Variants in FBXL7 observed in about 807,000 individuals in gnomAD.
FBXL7 encodes F-box/LRR-repeat protein 7.
FBXL7 carries 12 observed loss-of-function variants against 38.3 expected under a neutral mutation model. The ratio of observed to expected loss-of-function variants is 0.31; its 90% CI spans 0.20 to 0.51. The LOEUF is 0.51. FBXL7 is among the 20% of genes least tolerant of loss of function. The pLI is 0.98. For missense variants in FBXL7, 567 were observed against 676.4 expected (o/e 0.84, Z 1.79); for synonymous variants, 297 against 300.9 (o/e 0.99, Z 0.13).
chr5:15,516,285 G>A (rs78750370), intron 1 of FBXL7, among the ~76,000 whole-genome samples: 1,772 of 151,980 alleles, frequency 0.012, 40 homozygotes, highest in African/African-American at 0.041. Flanking sequence ...GTGATTACCC[G>A]TCATGGTATA....
At chr5:15,620,637 A>G (rs1358538867) in intron 2 of FBXL7, among the ~76,000 whole-genome samples, 5 of 152,066 alleles carry the variant, frequency 3.3e-5, no homozygotes, top group East Asian at 1.9e-4. Flanking sequence ...TGGCTGGTGT[A>G]TAGAGCAGGG....
At chr5:15,752,217 C>T (rs1736173179) in intron 2 of FBXL7, among the ~76,000 whole-genome samples, 1 of 152,086 alleles carries the variant, frequency 6.6e-6, no homozygotes, top group Non-Finnish European at 1.5e-5. Context: ...TGACATATAC[C>T]TACGTAACAA....
intron 1 of FBXL7, among the ~76,000 whole-genome samples, chr5:15,517,387 G>A (rs1736972396): frequency 6.6e-6 from 1 of 152,206 alleles, no homozygotes; most frequent in African/African-American, 2.4e-5. Flanking sequence ...CAGCCTGGCC[G>A]TGGTGAGCTT....
At chr5:15,796,133 C>T (rs1737410309) in intron 2 of FBXL7, among the ~76,000 whole-genome samples, 1 of 152,270 alleles carries the variant, frequency 6.6e-6, no homozygotes, top group South Asian at 2.1e-4. Flanking sequence ...GCCATAGAAA[C>T]CAACAATGCC....
intron 1 of FBXL7, among the ~76,000 whole-genome samples, chr5:15,531,918 G>C (rs1737443529): frequency 6.6e-6 from 1 of 152,156 alleles, no homozygotes; most frequent in Non-Finnish European, 1.5e-5. Flanking sequence ...ACCCTTTGCT[G>C]GTTCAGGATT....
At chr5:15,602,944 T>C (rs13171091) in intron 1 of FBXL7, among the ~76,000 whole-genome samples, 1 of 152,134 alleles carries the variant, frequency 6.6e-6, no homozygotes, top group South Asian at 2.1e-4. Flanking sequence ...GGGGATCCTC[T>C]GGCCTCAACC....
rs187048382 is a variant in FBXL7, at chr5:15,773,484, A to T, written c.128-154406A>T. On this transcript the variant is annotated intron_variant, in intron 2 of 3. Transcript: ENST00000504595. ...CATAGCAAAACCCCATCTCTACTAAATTTTTTTTTTTAAGTATCTAGTCAT... is the reference window on the plus strand; with the variant it reads ...CATAGCAAAACCCCATCTCTACTAATTTTTTTTTTTTAAGTATCTAGTCAT... Among the ~76,000 whole-genome samples, 258 of 148,546 alleles carry T rather than the reference A, an allele frequency of 1.7e-3. 1 individual carries two copies. Among genetic ancestry groups the T allele is most frequent in the African/African-American group, 5.9e-3 (240 of 40,560 alleles).
At chr5:15,927,433 C>T (rs370281370) in intron 2 of FBXL7, among the ~76,000 whole-genome samples, 3 of 152,096 alleles carry the variant, frequency 2.0e-5, no homozygotes, top group East Asian at 3.9e-4. Context: ...GGGAGGACAT[C>T]TGTGGAATGA....
At chr5:15,527,292 TA>T (rs1737277699) in intron 1 of FBXL7, among the ~76,000 whole-genome samples, 1 of 152,210 alleles carries the variant, frequency 6.6e-6, no homozygotes, top group Non-Finnish European at 1.5e-5. Flanking sequence ...TCGAGTATCA[TA>T]ATCCCTAAAT....
At chr5:15,844,916 A>G (rs147013224) in intron 2 of FBXL7, among the ~76,000 whole-genome samples, 27 of 152,332 alleles carry the variant, frequency 1.8e-4, no homozygotes, top group African/African-American at 6.5e-4. Context: ...AGTCATGAAT[A>G]TAAGAAAGCT....
At chr5:15,709,970 T>G (rs1743812605) in intron 2 of FBXL7, among the ~76,000 whole-genome samples, 1 of 152,160 alleles carries the variant, frequency 6.6e-6, no homozygotes, top group Non-Finnish European at 1.5e-5. Flanking sequence ...CCTCCACCTA[T>G]TAAAACTATC....
At chr5:15,688,764 C>T (rs534080077) in intron 2 of FBXL7, among the ~76,000 whole-genome samples, 2 of 152,222 alleles carry the variant, frequency 1.3e-5, no homozygotes, top group African/African-American at 4.8e-5. Flanking sequence ...CCAGAACATG[C>T]CTGGTTTCCT....
chr5:15,649,228 C>T (rs374958267), intron 2 of FBXL7, among the ~76,000 whole-genome samples: 5 of 152,262 alleles, frequency 3.3e-5, no homozygotes, highest in South Asian at 4.2e-4. Flanking sequence ...AACTCCTGAC[C>T]TCAGGTGATC....
At chr5:15,516,465 A>G (rs944783352) in intron 1 of FBXL7, among the ~76,000 whole-genome samples, 2 of 152,114 alleles carry the variant, frequency 1.3e-5, no homozygotes, top group African/African-American at 2.4e-5. Context: ...GTTTATTTGT[A>G]TGGGATTTTT....
chr5:15,681,474 G>T (rs1238307981), intron 2 of FBXL7, among the ~76,000 whole-genome samples: 1 of 152,192 alleles, frequency 6.6e-6, no homozygotes, highest in Non-Finnish European at 1.5e-5. Flanking sequence ...TATGATTACA[G>T]ATTTGTCAAA....
At chr5:15,822,534 C>T (rs1262924254) in intron 2 of FBXL7, among the ~76,000 whole-genome samples, 1 of 151,684 alleles carries the variant, frequency 6.6e-6, no homozygotes, top group Admixed American at 6.6e-5. Flanking sequence ...TCCAGTGGGT[C>T]TCATTATTTT....
At chr5:15,784,015 C>A (rs1209416427) in intron 2 of FBXL7, among the ~76,000 whole-genome samples, 2 of 152,068 alleles carry the variant, frequency 1.3e-5, no homozygotes, top group Admixed American at 6.5e-5. Context: ...CATGGTGGCC[C>A]CAATGAGTGA....
chr5:15,781,497 G>A (rs1736992720), intron 2 of FBXL7, among the ~76,000 whole-genome samples: 1 of 151,790 alleles, frequency 6.6e-6, no homozygotes, highest in Non-Finnish European at 1.5e-5. Context: ...GAGTAAAATA[G>A]TATATTCAGT....
chr5:15,698,250 G>A (rs1454325227), intron 2 of FBXL7, among the ~76,000 whole-genome samples: 1 of 152,006 alleles, frequency 6.6e-6, no homozygotes, highest in African/African-American at 2.4e-5. Flanking sequence ...CAGAACATAG[G>A]CAAATTGGTA....
Sources: gnomAD v4.1 joint callset for allele counts (sites outside exome capture counted in the v4.1 genomes callset) on GRCh38, gnomAD v4.1.1 for gene constraint, MANE v1.5 for transcripts, NCBI Gene and HGNC (gene_info 2026-07-23, HGNC 2026-07-21) for gene names.